The following COL4A4 variants were observed in gnomAD, a reference collection of about 807,000 sequenced individuals.
COL4A4 encodes the protein collagen alpha-4(IV) chain.
COL4A4 carries 105 observed loss-of-function variants against 192.9 expected under a neutral mutation model. The observed-to-expected ratio is 0.54, with a 90% CI of 0.46 to 0.64. The LOEUF (loss-of-function observed/expected upper bound fraction) is 0.64, where lower values mean the gene tolerates loss of function less well. Ranked by LOEUF, COL4A4 falls within the 30% of genes least tolerant of loss-of-function variation. The probability of loss-of-function intolerance (pLI) is 0.00; values close to 1 mark genes in which losing one functional copy is unlikely to be tolerated. For missense variants in COL4A4, 1,967 were observed against 2,169.3 expected (o/e 0.91, Z 1.85); for synonymous variants, 762 against 769.9 (o/e 0.99, Z 0.17).
At chr2:227,130,950 C>T (rs1401376735) in intron 4 of COL4A4, among the ~76,000 whole-genome samples, 3 of 152,108 alleles carry the variant, frequency 2.0e-5, no homozygotes, top group East Asian at 1.9e-4. Context: ...CTCACCCCCT[C>T]GCTAAGCCAC....
chr2:227,149,064 G>A (rs1256649533), intron 1 of COL4A4, among the ~76,000 whole-genome samples: 1 of 151,938 alleles, frequency 6.6e-6, no homozygotes, highest in Non-Finnish European at 1.5e-5. Flanking sequence ...GGCCAGGCTG[G>A]TCTTGAACTC....
Position 227,140,209 on chromosome 2 carries a change from T to C in COL4A4, c.144A>G (p.Gly48=). Residue 48 remains glycine (G), a synonymous_variant, in exon 4 of 48, where the codon GGA becomes GGG. Transcript: ENST00000396625. Reference sequence around the variant, plus strand: ...AGTGGCAAACAGAGCAATCTCTTCCTCCACAAGGACCAATGTATTTCTTTC... The same window carrying C: ...AGTGGCAAACAGAGCAATCTCTTCCCCCACAAGGACCAATGTATTTCTTTC... ...GSGKKYIGPC[G]GRDCSVCHCV... 1 of 1,614,136 alleles carries C rather than the reference T, an allele frequency of 6.2e-7. No homozygotes were observed. Among genetic ancestry groups the C allele is most frequent in the Non-Finnish European group, 8.5e-7 (1 of 1,179,994 alleles).
intron 4 of COL4A4, among the ~76,000 whole-genome samples, chr2:227,122,398 G>T (rs540241190): frequency 6.6e-6 from 1 of 152,348 alleles, no homozygotes; most frequent in African/African-American, 2.4e-5. Flanking sequence ...ATGGATGACT[G>T]CATTAAATAA....
At chr2:227,039,391 G>A (rs566889886) in intron 37 of COL4A4, among the ~76,000 whole-genome samples, 2 of 152,162 alleles carry the variant, frequency 1.3e-5, no homozygotes, top group South Asian at 2.1e-4. Flanking sequence ...GGCTGGTCTC[G>A]AACTCCTGAC....
chr2:227,054,507 T>A, intron 31 of COL4A4, 87 bp downstream of exon 31: 2 of 1,454,698 alleles, frequency 1.4e-6, no homozygotes, highest in Non-Finnish European at 9.7e-7. Context: ...TTCAGACAAG[T>A]CCTATTTTAT....
the COL4A4 span, among the ~76,000 whole-genome samples, chr2:226,967,620 C>T: frequency 2.4e-3 from 345 of 145,628 alleles, 1 homozygote; most frequent in Non-Finnish European, 3.4e-3. Flanking sequence ...TTTTCTGATC[C>T]GTAATTCTAC....
rs1353908280 is a variant in COL4A4 at position 227,003,640 on chromosome 2, C to T, written c.*3685G>A. 6.6e-6 allele frequency: 1 copy of T among 152,180 alleles called. No individual in the cohort carries two copies. The highest frequency in any genetic ancestry group is 6.5e-5 in the Admixed American group (1 of 15,276). The allele number at this position is 152,180 out of a possible 1,614,324, so 9.4% of individuals were successfully genotyped here. Reference sequence around the variant, plus strand: ...AAGATGATAAAGCCCAATTGTAGTGCACCATTCCATTGACTATTTTTCGGA... The same window carrying T: ...AAGATGATAAAGCCCAATTGTAGTGTACCATTCCATTGACTATTTTTCGGA... On this transcript the variant is annotated 3_prime_UTR_variant, in exon 48 of 48. Transcript: ENST00000396625.
intron 6 of COL4A4, 139 bp downstream of exon 6, chr2:227,119,756 G>T: frequency 3.0e-6 from 1 of 329,416 alleles, no homozygotes; most frequent in Non-Finnish European, 5.5e-6. Flanking sequence ...GGTATATATA[G>T]CAAATATTTG....
At chr2:227,065,439 C>T (rs946031171) in intron 25 of COL4A4, among the ~76,000 whole-genome samples, 2 of 152,196 alleles carry the variant, frequency 1.3e-5, no homozygotes, top group Non-Finnish European at 2.9e-5. Flanking sequence ...CACAGACAAA[C>T]AAAAAGACAG....
chr2:226,992,067 C>T, the COL4A4 span, among the ~76,000 whole-genome samples: 1 of 152,104 alleles, frequency 6.6e-6, no homozygotes, highest in East Asian at 1.9e-4. Flanking sequence ...AAGATAAGAC[C>T]CTTCGAGAAA....
intron 19 of COL4A4, among the ~76,000 whole-genome samples, chr2:227,094,523 T>C (rs1384726930): frequency 6.6e-6 from 1 of 152,096 alleles, no homozygotes; most frequent in Admixed American, 6.6e-5. Flanking sequence ...GAGAGTAGGA[T>C]GGTGGTTCCC....
In COL4A4 at chr2:227,118,682, G is replaced by A; in HGVS notation, c.452C>T (p.Pro151Leu). Residue 151 changes from proline to leucine, a missense_variant, in exon 7 of 48, where the codon CCA (proline) becomes CTA (leucine). Pro to Leu is a moderately conservative substitution (Grantham distance 98). Coordinates refer to ENST00000396625, the MANE Select transcript of COL4A4 (RefSeq NM_000092.5). ...HNGSRGDPGF[P>L]GGRGALGPGG... The stretch of plus-strand genomic sequence containing the variant: ...TGGGCCAAGAGCTCCTCTTCCTCCT[G>A]GAAACCCTGGGTCACCTCTTGAGCC... The A allele has an allele frequency of 6.2e-7, 1 of 1,614,038 alleles. No homozygotes were observed. Among genetic ancestry groups the A allele is most frequent in the Non-Finnish European group, 8.5e-7 (1 of 1,180,004 alleles).
Position 227,102,692 on chromosome 2 carries a change from T to A in COL4A4, c.930+97A>T, listed in dbSNP as rs878973727. The stretch of plus-strand genomic sequence containing the variant: ...GTTTTGTTCTTACATGAGCTATTCT[T>A]CACTTTTGAGCTTGTGGGACTACTG... On this transcript the variant is annotated intron_variant, in intron 15 of 47. Transcript: ENST00000396625. The A allele has an allele frequency of 2.9e-6, 3 of 1,020,226 alleles. No individual in the cohort carries two copies. The South Asian group carries it at 3.8e-5, about 13-fold the overall frequency. The allele number at this position is 1,020,226 out of a possible 1,614,324, so 63.2% of individuals were successfully genotyped here.
the COL4A4 span, chr2:226,995,732 T>A: frequency 3.4e-6 from 2 of 583,750 alleles, no homozygotes; most frequent in Admixed American, 3.1e-5. Context: ...GCCTTGTTCT[T>A]GCTCATAAAC....
the COL4A4 span, among the ~76,000 whole-genome samples, chr2:226,967,456 C>T: frequency 2.6e-5 from 4 of 151,930 alleles, no homozygotes; most frequent in Non-Finnish European, 4.4e-5. Flanking sequence ...CATATGTATA[C>T]ATGTGCCATG....
Position 227,031,041 on chromosome 2 carries a change from A to ATGGATG in COL4A4, c.3818-444_3818-443insCATCCA, listed in dbSNP as rs1553626076. 3.7e-3 allele frequency among the ~76,000 whole-genome samples: 548 copies of ATGGATG among 146,352 alleles called. 7 individuals carry two copies. Among genetic ancestry groups the ATGGATG allele is most frequent in the African/African-American group, 0.013 (522 of 38,948 alleles). ...TATGTGGATAGATGGTTGGATGGAC[A>ATGGATG]GATGGATGGATGGATGGATGGATGG... is the stretch of plus-strand genomic sequence containing the variant. On this transcript the variant is annotated intron_variant, in intron 40 of 47. Transcript: ENST00000396625.
chr2:226,972,389 G>C, the COL4A4 span, among the ~76,000 whole-genome samples: 1 of 152,236 alleles, frequency 6.6e-6, no homozygotes, highest in Non-Finnish European at 1.5e-5. Context: ...GAGGAGGGAA[G>C]AGAGAGACAG....
intron 1 of COL4A4, among the ~76,000 whole-genome samples, 199 bp from the exon 2 acceptor site, chr2:227,147,783 A>G (rs2063644474): frequency 6.6e-6 from 1 of 150,528 alleles, no homozygotes; most frequent in African/African-American, 2.4e-5. Context: ...TATCATGAAT[A>G]TATTTTTGAT....
At position 227,051,142 on chromosome 2, in the gene COL4A4, G is replaced by A. The variant is rs79261248; in HGVS notation, c.2985C>T (p.Pro995=). The A allele has an allele frequency of 1.5e-4, 239 of 1,614,054 alleles. No homozygotes were observed. Among genetic ancestry groups the A allele is most frequent in the Non-Finnish European group, 1.8e-4 (213 of 1,179,990 alleles). Residue 995 remains proline (P), a synonymous_variant, in exon 33 of 48, where the codon CCC becomes CCT. Coordinates refer to ENST00000396625, the MANE Select transcript of COL4A4 (RefSeq NM_000092.5). ...GCTCTCCTCTTCTCCCTTGCATCCC[G>A]GGAGTTCCTTTATCACCTGATGAAG... is the stretch of plus-strand genomic sequence containing the variant. ...FPGERGDKGT[P]GMQGRRGEPG...
Sources: gnomAD v4.1 joint callset for allele counts (sites outside exome capture counted in the v4.1 genomes callset) on GRCh38, gnomAD v4.1.1 for gene constraint, MANE v1.5 for transcripts, NCBI Gene and HGNC (gene_info 2026-07-23, HGNC 2026-07-21) for gene names.